The following PLCG2 variants were observed in gnomAD, a reference collection of about 807,000 sequenced individuals.
PLCG2 encodes 1-phosphatidylinositol 4,5-bisphosphate phosphodiesterase gamma-2.
Under a neutral mutation model 175.6 loss-of-function variants are expected in PLCG2, and 69 were observed. The observed-to-expected ratio is 0.39, with a 90% CI of 0.32 to 0.48. PLCG2 has a LOEUF of 0.48. PLCG2 is among the 20% of genes least tolerant of loss of function. PLCG2 has a pLI of 0.91. For missense variants in PLCG2, 1,798 were observed against 1,650.9 expected, an observed-to-expected ratio of 1.09 and a Z score of -1.54; for synonymous variants, 827 against 624.0, an observed-to-expected ratio of 1.33 and a Z score of -4.85.
At chr16:81,936,458 G>A (rs1281777680) in intron 27 of PLCG2, 80 bp downstream of exon 27, 10 of 1,099,356 alleles carry the variant, frequency 9.1e-6, no homozygotes, top group East Asian at 7.1e-5. Flanking sequence ...TTGGGTCAGC[G>A]ATACCATGTG....
intron 2 of PLCG2, among the ~76,000 whole-genome samples, chr16:81,801,112 A>G (rs1266485737): frequency 5.3e-5 from 8 of 152,204 alleles, no homozygotes; most frequent in African/African-American, 9.7e-5. Flanking sequence ...GAGCTGCAAG[A>G]TAATCAATTT....
chr16:81,762,846 C>T (rs1274224362), intron 2 of PLCG2, among the ~76,000 whole-genome samples: 2 of 152,122 alleles, frequency 1.3e-5, no homozygotes, highest in Non-Finnish European at 2.9e-5. Flanking sequence ...TCACTTGAGG[C>T]CAGGAGTTTA....
At chr16:81,905,558 G>A in intron 15 of PLCG2, 51 bp downstream of exon 15, 1 of 1,165,772 alleles carries the variant, frequency 8.6e-7, no homozygotes, top group Non-Finnish European at 1.3e-6. Flanking sequence ...CCTTGCAGCT[G>A]CTTCTTGGAG....
At chr16:81,905,858 T>TCA (rs1567526138) in intron 15 of PLCG2, among the ~76,000 whole-genome samples, 2 of 152,050 alleles carry the variant, frequency 1.3e-5, no homozygotes, top group African/African-American at 2.4e-5. Flanking sequence ...TGGGATTTAG[T>TCA]CGTGTTGCCC....
chr16:81,859,308 C>T lies in PLCG2; in HGVS notation c.479+145C>T, dbSNP rs12596639. ...TGATCTGCGGATGCCATGTTGGGTC[C>T]TGGGGTTGAGGATGACAAAATCCTC... On this transcript the variant is annotated intron_variant, in intron 5 of 32. Coordinates refer to ENST00000564138, the MANE Select transcript of PLCG2 (RefSeq NM_002661.5). 96,354 of 598,494 alleles carry T rather than the reference C, an allele frequency of 0.16. 8,528 individuals carry two copies. The highest frequency in any genetic ancestry group is 0.18 in the Non-Finnish European group (58,173 of 327,870). The allele number at this position is 598,494 out of a possible 1,614,324, so 37.1% of individuals were successfully genotyped here. A position where few individuals can be genotyped will look rare whatever the true frequency, so the allele number is the denominator to read the frequency against.
At chr16:81,744,479 T>G (rs1909665375) in intron 1 of PLCG2, among the ~76,000 whole-genome samples, 1 of 152,208 alleles carries the variant, frequency 6.6e-6, no homozygotes, top group African/African-American at 2.4e-5. Context: ...CTTCCCTTTT[T>G]GATTAAAACA....
At chr16:81,792,661 C>T (rs1417223213) in intron 2 of PLCG2, among the ~76,000 whole-genome samples, 5 of 152,056 alleles carry the variant, frequency 3.3e-5, no homozygotes, top group Non-Finnish European at 1.5e-5. Flanking sequence ...CACATGGTGG[C>T]AGCAAGGAGA....
chr16:81,930,703 G>A (rs138971659), intron 24 of PLCG2, among the ~76,000 whole-genome samples: 15 of 141,760 alleles, frequency 1.1e-4, no homozygotes, highest in Middle Eastern at 4.2e-3. Context: ...AGCCAAGATC[G>A]CACCACTGCA....
At chr16:81,885,505 C>T (rs1308949147) in intron 9 of PLCG2, among the ~76,000 whole-genome samples, 4 of 152,202 alleles carry the variant, frequency 2.6e-5, no homozygotes, top group Non-Finnish European at 4.4e-5. Context: ...ACTTTACACT[C>T]CTGTATCTCC....
intron 2 of PLCG2, among the ~76,000 whole-genome samples, chr16:81,848,268 C>T (rs1332221918): frequency 1.3e-5 from 2 of 152,160 alleles, no homozygotes; most frequent in Non-Finnish European, 2.9e-5. Context: ...TAAGCTAATA[C>T]TTGTCTTGGG....
chr16:81,890,510 G>C (rs1908580600), intron 10 of PLCG2, among the ~76,000 whole-genome samples: 1 of 152,136 alleles, frequency 6.6e-6, no homozygotes, highest in Non-Finnish European at 1.5e-5. Flanking sequence ...TCTACTGACC[G>C]TGTTGCCTGG....
intron 1 of PLCG2, among the ~76,000 whole-genome samples, chr16:81,783,290 C>G (rs1043323104): frequency 6.6e-6 from 1 of 152,116 alleles, no homozygotes; most frequent in Non-Finnish European, 1.5e-5. Flanking sequence ...GTTTCAGCTA[C>G]TTTTTTAAAA....
chr16:81,766,485 CTCCTCCTCCTCCTCT>C (rs1232869049), intron 2 of PLCG2, among the ~76,000 whole-genome samples: 1 of 150,968 alleles, frequency 6.6e-6, no homozygotes, highest in Non-Finnish European at 1.5e-5. Context: ...CCTCCTCTTC[CTCCTCCTCCTCCTCT>C]TCCTCCTCCT....
At chr16:81,808,409 G>C (rs1433560863) in intron 2 of PLCG2, among the ~76,000 whole-genome samples, 1 of 152,200 alleles carries the variant, frequency 6.6e-6, no homozygotes, top group East Asian at 1.9e-4. Flanking sequence ...GACTGTACTG[G>C]AGAGGCTGTG....
At chr16:81,811,958 A>G (rs550164316) in intron 2 of PLCG2, among the ~76,000 whole-genome samples, 3 of 151,588 alleles carry the variant, frequency 2.0e-5, no homozygotes, top group Admixed American at 6.6e-5. Flanking sequence ...GTCTTCCACA[A>G]TGGTTGAACT....
intron 1 of PLCG2, among the ~76,000 whole-genome samples, chr16:81,755,636 G>A (rs1909906121): frequency 6.6e-6 from 1 of 151,864 alleles, no homozygotes; most frequent in Non-Finnish European, 1.5e-5. Context: ...AGTGATTCTC[G>A]TCCCTCAGCG....
chr16:81,918,025 T>G (rs1909914156), intron 19 of PLCG2, among the ~76,000 whole-genome samples: 1 of 152,224 alleles, frequency 6.6e-6, no homozygotes, highest in Non-Finnish European at 1.5e-5. Flanking sequence ...GCCCGGCCTT[T>G]GTCCATTTTT....
At chr16:81,923,094 G>A (rs1597134486) in intron 21 of PLCG2, among the ~76,000 whole-genome samples, 1 of 152,110 alleles carries the variant, frequency 6.6e-6, no homozygotes, top group Admixed American at 6.6e-5. Context: ...TGACAGTCTT[G>A]GCTTAATCTA....
chr16:81,762,219 A>C (rs1375267404), intron 2 of PLCG2, among the ~76,000 whole-genome samples: 1 of 152,162 alleles, frequency 6.6e-6, no homozygotes, highest in African/African-American at 2.4e-5. Context: ...ATGCATTTCA[A>C]AGTAATGGCA....
Sources: allele counts gnomAD v4.1 joint callset (sites outside exome capture counted in the v4.1 genomes callset), GRCh38; gene constraint gnomAD v4.1.1; transcripts MANE v1.5; gene names NCBI Gene and HGNC (gene_info 2026-07-23, HGNC 2026-07-21).